The following BOC variants were observed in gnomAD, a reference collection of about 807,000 sequenced individuals.
The protein encoded by BOC is brother of CDO.
BOC carries 76 observed loss-of-function variants against 112.0 expected under a neutral mutation model. The observed-to-expected ratio is 0.68, with a 90% confidence interval of 0.56 to 0.82. The LOEUF is 0.82. BOC is among the 40% of genes least tolerant of loss of function. The pLI, the probability that BOC is intolerant of heterozygous loss-of-function variation, is 0.00. For synonymous variants in BOC, 580 were observed against 599.8 expected (o/e 0.97, Z 0.48); for missense variants, 1,309 against 1,511.7 (o/e 0.87, Z 2.22).
chr3:113,285,350 C>CA, intron 18 of BOC, 22 bp from the exon 19 acceptor site: 5 of 1,611,108 alleles, frequency 3.1e-6, no homozygotes, highest in Non-Finnish European at 4.2e-6. Context: ...CCCACCTCCC[C>CA]ATCTGGGCTT....
intron 2 of BOC, among the ~76,000 whole-genome samples, chr3:113,245,249 C>T (rs1334198369): frequency 1.3e-5 from 2 of 151,798 alleles, no homozygotes; most frequent in African/African-American, 2.4e-5. Context: ...TTTTGATAAG[C>T]TTTCTTTCTC....
intron 7 of BOC, 147 bp downstream of exon 7, chr3:113,272,850 G>C: frequency 2.7e-6 from 3 of 1,125,912 alleles, no homozygotes; most frequent in Non-Finnish European, 2.5e-6. Context: ...AAGAGTCAGG[G>C]CTCTTCGGAT....
At chr3:113,254,715 C>G (rs555633745) in intron 4 of BOC, among the ~76,000 whole-genome samples, 1 of 152,230 alleles carries the variant, frequency 6.6e-6, no homozygotes, top group Non-Finnish European at 1.5e-5. Flanking sequence ...TGTTCATCCT[C>G]GCACAAAGCA....
intron 2 of BOC, among the ~76,000 whole-genome samples, chr3:113,216,680 G>A (rs893945871): frequency 1.3e-5 from 2 of 152,146 alleles, no homozygotes; most frequent in East Asian, 1.9e-4. Flanking sequence ...AAAAATCAGC[G>A]GGATTGTGAT....
intron 4 of BOC, among the ~76,000 whole-genome samples, chr3:113,256,528 C>T (rs1576430120): frequency 6.6e-6 from 1 of 152,252 alleles, no homozygotes; most frequent in East Asian, 1.9e-4. Context: ...TGACCCTGGC[C>T]TTCAGCATGG....
chr3:113,283,562 C>A lies in BOC; in HGVS notation c.2586C>A (p.Val862=). The change falls in exon 16 of 20, where the codon GTC becomes GTA. Residue 862 remains valine, a synonymous_variant. Transcript: ENST00000682979. ...SDLPYLIVGV[V]LGSIVLIIVT... ...TGCCCTATCTGATTGTCGGGGTCGT[C>A]CTGGGCTCCATCGTTCTCATCATCG... is the stretch of plus-strand genomic sequence containing the variant. 1 of 1,613,852 alleles carries A rather than the reference C, an allele frequency of 6.2e-7. No homozygotes were observed. Among genetic ancestry groups the A allele is most frequent in the South Asian group, 1.1e-5 (1 of 91,058 alleles).
intron 2 of BOC, among the ~76,000 whole-genome samples, chr3:113,220,260 T>C (rs1452066173): frequency 1.3e-5 from 2 of 152,192 alleles, no homozygotes; most frequent in Non-Finnish European, 2.9e-5. Flanking sequence ...AGGAGAGTGA[T>C]GGCAATTTGG....
In BOC at chr3:113,279,443, G is replaced by A. The variant is rs760752494; in HGVS notation, c.2011G>A (p.Gly671Ser). 8.1e-6 allele frequency: 13 copies of A among 1,613,834 alleles called. No homozygotes were observed. The highest frequency in any genetic ancestry group is 5.5e-5 in the South Asian group (5 of 91,074). Residue 671 changes from glycine to serine, a missense_variant, in exon 12 of 20, where the codon GGC becomes AGC. By Grantham distance (56) the Gly-to-Ser change is moderately conservative. Coordinates refer to ENST00000682979, the MANE Select transcript of BOC (RefSeq NM_001378074.1). ...ATCGCGGCTGTCCGTGGAGATCACG[G>A]GCCTAGAGAAAGGTAGGGGCCTGGC... ...PPSRLSVEIT[G>S]LEKGTSYKFR...
Position 113,263,567 on chromosome 3 carries a change from T to C in BOC, c.377-4732T>C, listed in dbSNP as rs1050849494. 1.2e-3 allele frequency among the ~76,000 whole-genome samples: 186 copies of C among 152,226 alleles called. 2 individuals are homozygous for C. Among genetic ancestry groups the C allele is most frequent in the Non-Finnish European group, 2.8e-4 (19 of 68,040 alleles). On this transcript the variant is annotated intron_variant, in intron 4 of 19. Transcript: ENST00000682979. Reference sequence around the variant, plus strand: ...CCCTTGGAAGTGATTGATAGGTTTATGGATTACACCTGGGGCATTTAACTG... The same window carrying C: ...CCCTTGGAAGTGATTGATAGGTTTACGGATTACACCTGGGGCATTTAACTG...
chr3:113,249,755 G>A lies in BOC; in HGVS notation c.-48G>A, dbSNP rs749250951. On this transcript the variant is annotated 5_prime_UTR_variant, in exon 3 of 20. Transcript: ENST00000682979. ...CAGGGACGGCAGTATCTCTTTGTGT[G>A]ACCCTGGCGGCTTATGGGACGTTGG... is the stretch of plus-strand genomic sequence containing the variant. 5 of 1,512,428 alleles carry A rather than the reference G, an allele frequency of 3.3e-6. No individual in the cohort carries two copies. The Admixed American group carries it at 7.7e-5, about 23-fold the overall frequency. The allele number at this position is 1,512,428 out of a possible 1,614,324, so 93.7% of individuals were successfully genotyped here.
chr3:113,234,279 G>A (rs1366085127), intron 2 of BOC, among the ~76,000 whole-genome samples: 1 of 152,084 alleles, frequency 6.6e-6, no homozygotes, highest in Non-Finnish European at 1.5e-5. Context: ...GATCGAAAGG[G>A]GAATTCTTTT....
chr3:113,242,123 A>G (rs1440707231), intron 2 of BOC, among the ~76,000 whole-genome samples: 1 of 137,580 alleles, frequency 7.3e-6, no homozygotes, highest in Non-Finnish European at 1.6e-5. Context: ...CTCCAAAAAC[A>G]AAAAAAAAAA....
In BOC at chr3:113,281,143, T is replaced by C; in HGVS notation, c.2424T>C (p.Cys808=). Residue 808 remains cysteine (C), a synonymous_variant, in exon 15 of 20, where the codon TGT becomes TGC. Coordinates refer to ENST00000682979, the MANE Select transcript of BOC (RefSeq NM_001378074.1). ...GCGAGTTCAGCAACGTGATGATCTGTGAGACCAAAGGTGAAGCTCTTTGGG... is the reference window on the plus strand; with the variant it reads ...GCGAGTTCAGCAACGTGATGATCTGCGAGACCAAAGGTGAAGCTCTTTGGG... The part of the protein sequence containing the change: ...GESEFSNVMI[C]ETKARKSSGQ... 8 of 1,614,138 alleles carry C rather than the reference T, an allele frequency of 5.0e-6. No homozygotes were observed. The highest frequency in any genetic ancestry group is 6.8e-6 in the Non-Finnish European group (8 of 1,180,016).
chr3:113,245,550 A>G (rs1217493043), intron 2 of BOC, among the ~76,000 whole-genome samples: 1 of 152,234 alleles, frequency 6.6e-6, no homozygotes, highest in East Asian at 1.9e-4. Flanking sequence ...TGCACCCCAG[A>G]CACTTGGCAT....
At chr3:113,221,068 G>T (rs1468143430) in intron 2 of BOC, among the ~76,000 whole-genome samples, 1 of 152,208 alleles carries the variant, frequency 6.6e-6, no homozygotes, top group Non-Finnish European at 1.5e-5. Flanking sequence ...ACAAGCCTGG[G>T]TTTCAGTTCT....
Position 113,279,922 on chromosome 3 carries a change from C to T in BOC, c.2122C>T (p.Arg708Cys), listed in dbSNP as rs754992516. Residue 708 changes from arginine to cysteine, a missense_variant, in exon 13 of 20, where the codon CGC (arginine) becomes TGC (cysteine). Arg to Cys is a radical substitution (Grantham distance 180). Coordinates refer to ENST00000682979, the MANE Select transcript of BOC (RefSeq NM_001378074.1). Reference protein sequence around the residue: ...RPYVVSGYSGRVYERPVAGPY... With the variant: ...RPYVVSGYSGCVYERPVAGPY... ...CTACGTGGTGTCGGGCTACAGCGGT[C>T]GCGTGTACGAGAGGCCCGTGGCAGG... 9.3e-6 allele frequency: 15 copies of T among 1,613,842 alleles called. No individual in the cohort carries two copies. Among genetic ancestry groups the T allele is most frequent in the Middle Eastern group, 1.6e-4 (1 of 6,082 alleles).
rs948118644 is a variant in BOC, at chr3:113,220,858, G to C, written c.-82+4584G>C. The stretch of plus-strand genomic sequence containing the variant: ...ATAATTCTGGTTAACATTCTTTTTT[G>C]AGAGAGGAAGGAACAGAAGGCATCT... On this transcript the variant is annotated intron_variant, in intron 2 of 19. Coordinates refer to ENST00000682979, the MANE Select transcript of BOC (RefSeq NM_001378074.1). Among the ~76,000 whole-genome samples, 54 of 152,278 alleles carry C rather than the reference G, an allele frequency of 3.5e-4. 1 individual carries two copies. Among genetic ancestry groups the C allele is most frequent in the Non-Finnish European group, 7.4e-5 (5 of 68,014 alleles).
chr3:113,243,941 A>G (rs1234277455), intron 2 of BOC, among the ~76,000 whole-genome samples: 1 of 152,230 alleles, frequency 6.6e-6, no homozygotes, highest in Admixed American at 6.5e-5. Flanking sequence ...ACCTCTTCTC[A>G]TGTCACATCT....
intron 4 of BOC, among the ~76,000 whole-genome samples, chr3:113,262,536 C>T (rs1301443625): frequency 6.6e-6 from 1 of 152,124 alleles, no homozygotes; most frequent in Non-Finnish European, 1.5e-5. Flanking sequence ...TGTGCCAGGG[C>T]TAAAATACTT....
Sources: gnomAD v4.1 joint callset for allele counts (sites outside exome capture counted in the v4.1 genomes callset) on GRCh38, gnomAD v4.1.1 for gene constraint, MANE v1.5 for transcripts, NCBI Gene and HGNC (gene_info 2026-07-23, HGNC 2026-07-21) for gene names.